Variants in LAMC3 observed in about 807,000 individuals in gnomAD.
The protein encoded by LAMC3 is laminin subunit gamma 3, also known as laminin subunit gamma-3.
In LAMC3, 128 loss-of-function variants were observed where a neutral mutation model predicts 173.8. The observed-to-expected ratio is 0.74, with a 90% confidence interval of 0.64 to 0.85. LAMC3 has a LOEUF of 0.85. LAMC3 is among the 40% of genes least tolerant of loss of function. The pLI, the probability that LAMC3 is intolerant of heterozygous loss-of-function variation, is 0.00. For synonymous variants in LAMC3, 897 were observed against 909.1 expected (o/e 0.99, Z 0.24); for missense variants, 2,022 against 2,156.0 (o/e 0.94, Z 1.23).
intron 4 of LAMC3, among the ~76,000 whole-genome samples, chr9:131,036,710 C>T (rs1482028044): frequency 1.3e-5 from 2 of 152,342 alleles, no homozygotes; most frequent in African/African-American, 4.8e-5. Flanking sequence ...TCCCACGGGC[C>T]CCCAGGCAGC....
Position 131,091,700 on chromosome 9 carries a change from G to C in LAMC3, c.4641G>C (p.Glu1547Asp). 1 of 1,611,910 alleles carries C rather than the reference G, an allele frequency of 6.2e-7. No individual in the cohort carries two copies. Among genetic ancestry groups the C allele is most frequent in the South Asian group, 1.1e-5 (1 of 90,654 alleles). The change falls in exon 28 of 28, where the codon GAG becomes GAC. Residue 1547 changes from glutamate to aspartate, a missense_variant. Transcript: ENST00000361069. Reference protein sequence around the residue: ...QQQELQIQGFESDLAEIRADK... With the variant: ...QQQELQIQGFDSDLAEIRADK... The stretch of plus-strand genomic sequence containing the variant: ...AGGAGCTGCAGATCCAGGGCTTCGA[G>C]AGTGACCTCGCCGAGATCCGCGCCG...
In LAMC3 at chr9:131,075,982, T is replaced by A. The variant is rs1830119935; in HGVS notation, c.3629+17T>A. ...GGAGGACAGGTGAGGCCTCCCCAGG[T>A]GTGGGTAGAAACTTTGGGGTTGGCC... On this transcript the variant is annotated intron_variant, in intron 21 of 27. Transcript: ENST00000361069. 1 of 1,595,298 alleles carries A rather than the reference T, an allele frequency of 6.3e-7. No homozygotes were observed. The highest frequency in any genetic ancestry group is 8.6e-7 in the Non-Finnish European group (1 of 1,169,308).
At chr9:131,071,865 A>G (rs897900157) in intron 18 of LAMC3, among the ~76,000 whole-genome samples, 1 of 152,116 alleles carries the variant, frequency 6.6e-6, no homozygotes, top group Non-Finnish European at 1.5e-5. Context: ...CACTCCCTCC[A>G]CAGGGGTGTC....
rs544495064 is a variant in LAMC3, at chr9:131,075,619, C to CT, written c.3495-211dup. ...TATGTCAGGACAACAGACACAAACTCTATGTCTCTGTGTAACAGAAACAGG... is the reference window on the plus strand; with the variant it reads ...TATGTCAGGACAACAGACACAAACTCTTATGTCTCTGTGTAACAGAAACAGG... On this transcript the variant is annotated intron_variant, in intron 20 of 27. Coordinates refer to ENST00000361069, the MANE Select transcript of LAMC3 (RefSeq NM_006059.4). 1.7e-4 allele frequency among the ~76,000 whole-genome samples: 26 copies of CT among 151,896 alleles called. No homozygotes were observed. The South Asian group carries it at 5.4e-3, about 32-fold the overall frequency.
intron 1 of LAMC3, among the ~76,000 whole-genome samples, chr9:131,022,758 T>G (rs1240839771): frequency 6.6e-6 from 1 of 151,968 alleles, no homozygotes; most frequent in East Asian, 1.9e-4. Flanking sequence ...ATTTATTTTT[T>G]GTAGAGAGAG....
At position 131,068,964 on chromosome 9, in the gene LAMC3, A is replaced by G. The variant is rs772391943; in HGVS notation, c.2804A>G (p.Gln935Arg). Residue 935 changes from glutamine (Q) to arginine (R), a missense_variant, in exon 16 of 28, where the codon CAG becomes CGG. Physicochemically the swap from Gln to Arg is conservative, Grantham distance 43 (BLOSUM62 1). Transcript: ENST00000361069. ...QEDQCHPKTGQCTCRPGVTGQ... is the reference protein window; with the variant it reads ...QEDQCHPKTGRCTCRPGVTGQ... ...GACCAGTGCCATCCCAAGACTGGACAGTGCACCTGCCGCCCAGGTGTCACA... is the reference window on the plus strand; with the variant it reads ...GACCAGTGCCATCCCAAGACTGGACGGTGCACCTGCCGCCCAGGTGTCACA... The G allele has an allele frequency of 7.4e-6, 12 of 1,614,072 alleles. No homozygotes were observed. The highest frequency in any genetic ancestry group is 1.0e-5 in the Non-Finnish European group (12 of 1,179,986).
At chr9:131,025,678 T>A (rs568079791) in intron 1 of LAMC3, among the ~76,000 whole-genome samples, 66 of 152,270 alleles carry the variant, frequency 4.3e-4, no homozygotes, top group Non-Finnish European at 7.3e-4. Context: ...GAGGTAACTT[T>A]GCAAGTACAG....
At chr9:131,022,737 CTTAT>C (rs1336008428) in intron 1 of LAMC3, among the ~76,000 whole-genome samples, 3 of 151,636 alleles carry the variant, frequency 2.0e-5, no homozygotes, top group Non-Finnish European at 2.9e-5. Flanking sequence ...TTAATTTGTT[CTTAT>C]TTATTTATTT....
chr9:131,009,920 G>A lies in LAMC3; in HGVS notation c.373+333G>A, dbSNP rs907697928. 3.9e-5 allele frequency among the ~76,000 whole-genome samples: 6 copies of A among 151,988 alleles called. No individual in the cohort carries two copies. Among genetic ancestry groups the A allele is most frequent in the South Asian group, 2.1e-4 (1 of 4,812 alleles). On this transcript the variant is annotated intron_variant, in intron 1 of 27. Coordinates refer to ENST00000361069, the MANE Select transcript of LAMC3 (RefSeq NM_006059.4). The surrounding 1 kb of genome is among the most constrained non-coding windows in gnomAD (Gnocchi z 4.3). ...TGTAATCCCAGCACTTTGGGAGGCC[G>A]AGGCGGGCGGATCACCTGAGGTCAG...
At position 131,032,149 on chromosome 9, in the gene LAMC3, C is replaced by A. The variant is rs574155279; in HGVS notation, c.783C>A (p.Ala261=). Residue 261 remains alanine, a synonymous_variant, in exon 3 of 28, where the codon GCC becomes GCA. Coordinates refer to ENST00000361069, the MANE Select transcript of LAMC3 (RefSeq NM_006059.4). ...AGGTGCTCCAGTCCTACTATTATGC[C>A]GTGTCCGACTTCTCTGTGGGCGGCA... The part of the protein sequence containing the change: ...DPKVLQSYYY[A]VSDFSVGGRC... 3 of 1,613,142 alleles carry A rather than the reference C, an allele frequency of 1.9e-6. No individual in the cohort carries two copies. The Admixed American group carries it at 5.0e-5, about 27-fold the overall frequency.
At chr9:131,087,869 C>A (rs758024073) in intron 27 of LAMC3, 52 bp downstream of exon 27, 3 of 1,423,950 alleles carry the variant, frequency 2.1e-6, no homozygotes, top group Admixed American at 1.7e-5. Context: ...TGGGGCACCT[C>A]TAGGATCTTC....
chr9:131,054,476 G>T (rs138925796), intron 11 of LAMC3, among the ~76,000 whole-genome samples: 2 of 152,174 alleles, frequency 1.3e-5, no homozygotes, highest in South Asian at 4.1e-4. Context: ...TTACACAGCC[G>T]GGCGTGGTGG....
chr9:131,064,646 A>C (rs1829892275), intron 13 of LAMC3, among the ~76,000 whole-genome samples: 1 of 146,274 alleles, frequency 6.8e-6, no homozygotes, highest in Non-Finnish European at 1.5e-5. Flanking sequence ...CCTGGGTGAA[A>C]GAGCGAGACT....
chr9:131,029,280 G>A lies in LAMC3; in HGVS notation c.678+2691G>A, dbSNP rs1430045054. On this transcript the variant is annotated intron_variant, in intron 2 of 27. Transcript: ENST00000361069. This position sits in a 1 kb window ranked among gnomAD's most constrained non-coding sequence, Gnocchi z 4.6. ...AGGCCCTGCTTGTCCCACTAAAATT[G>A]TACATGTCACCATGATTTTATTTAA... Among the ~76,000 whole-genome samples, 4 of 152,198 alleles carry A rather than the reference G, an allele frequency of 2.6e-5. No individual in the cohort carries two copies. In the East Asian group the frequency reaches 5.8e-4, roughly 22 times the overall value.
At chr9:131,014,580 C>A (rs962972654) in intron 1 of LAMC3, among the ~76,000 whole-genome samples, 2 of 152,242 alleles carry the variant, frequency 1.3e-5, no homozygotes, top group Admixed American at 1.3e-4. Flanking sequence ...AGAGGGAATG[C>A]CTGTTTTCAC....
Position 131,061,177 on chromosome 9 carries a change from A to T in LAMC3, c.2301A>T (p.Pro767=), listed in dbSNP as rs1471078440. ...GCCAGTCGGCCTGTACGACCATCCC[A>T]GAGAGCCGGGAGGTGGTGTGTACCC... ...CPGQSACTTI[P]ESREVVCTHC... is the part of the protein sequence containing the mutation. The change falls in exon 13 of 28, where the codon CCA becomes CCT. Residue 767 remains proline (P), a synonymous_variant. Coordinates refer to ENST00000361069, the MANE Select transcript of LAMC3 (RefSeq NM_006059.4). 2 of 1,611,892 alleles carry T rather than the reference A, an allele frequency of 1.2e-6. No homozygotes were observed. The highest frequency in any genetic ancestry group is 2.7e-5 in the African/African-American group (2 of 74,926).
In LAMC3 at chr9:131,079,164, G is replaced by T. The variant is rs752821098; in HGVS notation, c.3793G>T (p.Ala1265Ser). The T allele has an allele frequency of 1.9e-6, 3 of 1,613,668 alleles. No homozygotes were observed. The highest frequency in any genetic ancestry group is 2.5e-6 in the Non-Finnish European group (3 of 1,179,812). Reference sequence around the variant, plus strand: ...CTCCCTGCAGCCTCAGAAGTCCCGGGCTGAAGACCTGGGCCTGAAGGCGAA... The same window carrying T: ...CTCCCTGCAGCCTCAGAAGTCCCGGTCTGAAGACCTGGGCCTGAAGGCGAA... Reference protein sequence around the residue: ...SPGALPQKSRAEDLGLKAKAL... With the variant: ...SPGALPQKSRSEDLGLKAKAL... The change falls in exon 23 of 28, where the codon GCT (alanine) becomes TCT (serine). Residue 1265 changes from alanine to serine, a missense_variant. Transcript: ENST00000361069.
At chr9:131,072,169 G>A (rs566560696) in intron 18 of LAMC3, among the ~76,000 whole-genome samples, 21 of 151,896 alleles carry the variant, frequency 1.4e-4, no homozygotes, top group East Asian at 9.6e-4. Context: ...TGGAAATGGC[G>A]CTGAAATGGA....
chr9:131,050,142 T>C (rs575736576), intron 9 of LAMC3, among the ~76,000 whole-genome samples: 1 of 152,362 alleles, frequency 6.6e-6, no homozygotes, highest in Admixed American at 6.5e-5. Context: ...GCCACTCTGC[T>C]GGCATATGTA....
Sources: allele counts gnomAD v4.1 joint callset (sites outside exome capture counted in the v4.1 genomes callset), GRCh38; gene constraint gnomAD v4.1.1; non-coding constraint Gnocchi (gnomAD v3.1); transcripts MANE v1.5; gene names NCBI Gene and HGNC (gene_info 2026-07-23, HGNC 2026-07-21).